Variants in CNTLN observed in about 807,000 individuals in gnomAD.
The protein encoded by CNTLN is centlein, also known as centlein, centrosomal protein.
CNTLN carries 212 observed loss-of-function variants against 180.0 expected under a neutral mutation model. The observed-to-expected ratio is 1.18, with a 90% CI of 1.05 to 1.32. The LOEUF is 1.32. Among genes scored for constraint, CNTLN ranks in the 40% most tolerant of loss-of-function variants. The pLI, the probability that CNTLN is intolerant of heterozygous loss-of-function variation, is 0.00. For synonymous variants in CNTLN, 722 were observed against 563.1 expected (o/e 1.28, Z -3.99); for missense variants, 2,095 against 1,610.9 (o/e 1.30, Z -5.14).
chr9:17,512,965 C>T, the CNTLN span, among the ~76,000 whole-genome samples: 47 of 152,046 alleles, frequency 3.1e-4, no homozygotes, highest in Non-Finnish European at 5.9e-4. Context: ...TACAGGCGCC[C>T]ACCACTATGC....
chr9:17,397,020 G>C (rs1372577119), intron 15 of CNTLN, among the ~76,000 whole-genome samples: 1 of 152,066 alleles, frequency 6.6e-6, no homozygotes, highest in African/African-American at 2.4e-5. Flanking sequence ...TGTCTTCAAG[G>C]AAATTCTAGT....
At chr9:17,275,401 GACA>G (rs1828247466) in intron 6 of CNTLN, among the ~76,000 whole-genome samples, 1 of 152,004 alleles carries the variant, frequency 6.6e-6, no homozygotes, top group South Asian at 2.1e-4. Flanking sequence ...ATTTATCAAT[GACA>G]ACATTTTTTC....
chr9:17,368,489 C>T (rs897043728), intron 13 of CNTLN, among the ~76,000 whole-genome samples: 2 of 152,152 alleles, frequency 1.3e-5, no homozygotes, highest in African/African-American at 4.8e-5. Flanking sequence ...AGCCCTAGGG[C>T]CTTGAGCAAA....
intron 13 of CNTLN, among the ~76,000 whole-genome samples, chr9:17,374,531 C>A (rs113510434): frequency 0.011 from 1,736 of 152,218 alleles, 38 homozygotes; most frequent in African/African-American, 0.039. Context: ...TAAATTAGTA[C>A]AACTACTATG....
At chr9:17,330,273 G>C (rs1820554591) in intron 8 of CNTLN, among the ~76,000 whole-genome samples, 1 of 152,022 alleles carries the variant, frequency 6.6e-6, no homozygotes, top group African/African-American at 2.4e-5. Context: ...TTGATGACCA[G>C]ATGGTGGATT....
chr9:17,376,921 T>C (rs1271208916), intron 13 of CNTLN, among the ~76,000 whole-genome samples: 1 of 152,162 alleles, frequency 6.6e-6, no homozygotes, highest in East Asian at 1.9e-4. Flanking sequence ...TTTAAATAAA[T>C]GTTTGCTTCA....
chr9:17,382,128 T>TA (rs1825306342), intron 13 of CNTLN, among the ~76,000 whole-genome samples: 1 of 152,240 alleles, frequency 6.6e-6, no homozygotes, highest in Admixed American at 6.5e-5. Flanking sequence ...GCTGTTAGTA[T>TA]ATGTTGCGAG....
At chr9:17,318,534 A>C (rs918060833) in intron 8 of CNTLN, among the ~76,000 whole-genome samples, 1 of 152,330 alleles carries the variant, frequency 6.6e-6, no homozygotes, top group East Asian at 1.9e-4. Flanking sequence ...ATATTGACTT[A>C]TATGTGAAAT....
intron 14 of CNTLN, among the ~76,000 whole-genome samples, chr9:17,391,870 T>C (rs1826141734): frequency 6.6e-6 from 1 of 152,152 alleles, no homozygotes; most frequent in Admixed American, 6.5e-5. Flanking sequence ...CCAACAAAAC[T>C]GCAAGATGTA....
At chr9:17,199,756 T>G (rs941415623) in intron 2 of CNTLN, among the ~76,000 whole-genome samples, 1 of 152,182 alleles carries the variant, frequency 6.6e-6, no homozygotes, top group Non-Finnish European at 1.5e-5. Flanking sequence ...GTCAGATGAC[T>G]AGATTGCAAA....
At chr9:17,268,324 A>T (rs1004323174) in intron 5 of CNTLN, among the ~76,000 whole-genome samples, 1 of 152,160 alleles carries the variant, frequency 6.6e-6, no homozygotes, top group Admixed American at 6.5e-5. Context: ...TTGCCTGGGT[A>T]TCAGCAGCGG....
intron 2 of CNTLN, among the ~76,000 whole-genome samples, chr9:17,162,347 C>G (rs1269341757): frequency 1.3e-5 from 2 of 152,184 alleles, no homozygotes; most frequent in Non-Finnish European, 2.9e-5. Flanking sequence ...ATCTCCTGAC[C>G]TCATGATCTG....
intron 23 of CNTLN, among the ~76,000 whole-genome samples, chr9:17,482,675 A>T (rs1443342600): frequency 2.0e-5 from 3 of 152,188 alleles, no homozygotes; most frequent in Non-Finnish European, 4.4e-5. Context: ...AGTGAGAGAG[A>T]TTGCTTTACC....
intron 2 of CNTLN, among the ~76,000 whole-genome samples, chr9:17,213,865 C>G (rs200935555): frequency 6.6e-6 from 1 of 151,936 alleles, no homozygotes; most frequent in African/African-American, 2.4e-5. Flanking sequence ...TATCAGACAC[C>G]AGGATTGCAA....
chr9:17,148,030 T>G (rs58490891), intron 2 of CNTLN, among the ~76,000 whole-genome samples: 9,993 of 151,516 alleles, frequency 0.066, 419 homozygotes, highest in East Asian at 0.17. Context: ...AGATGTGTTG[T>G]GTGTATATGC....
At chr9:17,247,319 G>C (rs528125362) in intron 5 of CNTLN, among the ~76,000 whole-genome samples, 2 of 152,290 alleles carry the variant, frequency 1.3e-5, no homozygotes, top group Non-Finnish European at 2.9e-5. Context: ...GCTGGGTTGG[G>C]AGATTTGCTT....
At chr9:17,332,922 T>A (rs1370174938) in intron 10 of CNTLN, among the ~76,000 whole-genome samples, 192 bp downstream of exon 10, 2 of 152,126 alleles carry the variant, frequency 1.3e-5, no homozygotes, top group Non-Finnish European at 2.9e-5. Flanking sequence ...TATTTGCTAC[T>A]TGAAAAGTAA....
In CNTLN at chr9:17,267,399, G is replaced by A. The variant is rs187552537; in HGVS notation, c.850-6334G>A. On this transcript the variant is annotated intron_variant, in intron 5 of 25. Coordinates refer to ENST00000380647, the MANE Select transcript of CNTLN (RefSeq NM_017738.4). ...TCTTCTGGCTTGTAGAGTTTCTGCC[G>A]AGAGCTCCGCTGTTCGTCTGATGGG... Among the ~76,000 whole-genome samples the A allele has an allele frequency of 4.5e-3, 686 of 152,202 alleles. 10 individuals carry two copies. Among genetic ancestry groups the A allele is most frequent in the Admixed American group, 0.033 (510 of 15,292 alleles).
At chr9:17,209,983 A>G (rs1397865535) in intron 2 of CNTLN, among the ~76,000 whole-genome samples, 1 of 152,226 alleles carries the variant, frequency 6.6e-6, no homozygotes, top group Non-Finnish European at 1.5e-5. Context: ...AAAGACTACT[A>G]GAGAAAATTT....
Sources: allele counts gnomAD v4.1 joint callset (sites outside exome capture counted in the v4.1 genomes callset), GRCh38; gene constraint gnomAD v4.1.1; transcripts MANE v1.5; gene names NCBI Gene and HGNC (gene_info 2026-07-23, HGNC 2026-07-21).